Variants in VWA5B1 observed in about 807,000 individuals in gnomAD.
VWA5B1 encodes von Willebrand factor A domain-containing protein 5B1.
Under a neutral mutation model 118.2 loss-of-function variants are expected in VWA5B1, and 115 were observed. The ratio of observed to expected loss-of-function variants is 0.97; its 90% CI spans 0.84 to 1.14. The LOEUF (loss-of-function observed/expected upper bound fraction) is 1.14, where lower values mean the gene tolerates loss of function less well. VWA5B1 is among the 50% of genes most tolerant of loss of function. The pLI, the probability that VWA5B1 is intolerant of heterozygous loss-of-function variation, is 0.00. For missense variants in VWA5B1, 1,596 were observed against 1,603.8 expected (o/e 1.00, Z 0.08); for synonymous variants, 682 against 658.4 (o/e 1.04, Z -0.55).
chr1:20,336,416 G>C lies in VWA5B1; in HGVS notation c.1872G>C (p.Ser624=). The C allele has an allele frequency of 6.6e-7, 1 of 1,521,562 alleles. No individual in the cohort carries two copies. The highest frequency in any genetic ancestry group is 8.8e-7 in the Non-Finnish European group (1 of 1,131,372). 94.3% of individuals were successfully genotyped at this position (1,521,562 alleles called of 1,614,324 possible). The stretch of plus-strand genomic sequence containing the variant: ...AAGGTGGAGACTGTGCCAAGAACTC[G>C]GGGGCACCCTTCATCCTAGGGCAGG... ...GLEGGDCAKN[S]GAPFILGQAK... is the part of the protein sequence containing the mutation. Residue 624 remains serine, a synonymous_variant, in exon 13 of 22, where the codon TCG becomes TCC. Coordinates refer to ENST00000289815, the MANE Select transcript of VWA5B1 (RefSeq NM_001039500.3).
At position 20,310,482 on chromosome 1, in the gene VWA5B1, C is replaced by T. The variant is rs1434552964; in HGVS notation, c.-26-94C>T. On this transcript the variant is annotated intron_variant, in intron 1 of 21. Transcript: ENST00000289815. ...CTTGGGGAAAATGAAAACAATGATG[C>T]TCTGATTGCTTGAGGGTGTCTGAAA... 10 of 1,208,870 alleles carry T rather than the reference C, an allele frequency of 8.3e-6. No individual in the cohort carries two copies. In the South Asian group the frequency reaches 1.1e-4, roughly 13 times the overall value. The allele number at this position is 1,208,870 out of a possible 1,614,324, so 74.9% of individuals were successfully genotyped here. A position where few individuals can be genotyped will look rare whatever the true frequency, so the allele number is the denominator to read the frequency against.
intron 1 of VWA5B1, among the ~76,000 whole-genome samples, chr1:20,299,534 G>C (rs1215484778): frequency 6.6e-6 from 1 of 152,184 alleles, no homozygotes; most frequent in Non-Finnish European, 1.5e-5. Flanking sequence ...CTCCCAAGTA[G>C]CTGGGACTAC....
chr1:20,300,413 A>G (rs534832032), intron 1 of VWA5B1, among the ~76,000 whole-genome samples: 1 of 152,262 alleles, frequency 6.6e-6, no homozygotes, highest in East Asian at 1.9e-4. Context: ...TTGTTGTTAG[A>G]TAAAGATGCC....
At chr1:20,336,237 T>C in intron 12 of VWA5B1, 66 bp from the exon 13 acceptor site, 1 of 1,274,034 alleles carries the variant, frequency 7.8e-7, no homozygotes, top group South Asian at 3.2e-5. Context: ...CACCCCTTGC[T>C]CCCTGCGGAA....
chr1:20,319,024 C>T (rs1201957361), intron 6 of VWA5B1, among the ~76,000 whole-genome samples: 1 of 152,208 alleles, frequency 6.6e-6, no homozygotes, highest in African/African-American at 2.4e-5. Flanking sequence ...ACCCAAAGCT[C>T]AGTGATACCC....
rs948690864 is a variant in VWA5B1 at position 20,314,371 on chromosome 1, G to A, written c.342G>A (p.Pro114=). The change falls in exon 4 of 22, where the codon CCG becomes CCA. Residue 114 remains proline, a synonymous_variant. Transcript: ENST00000289815. Reference sequence around the variant, plus strand: ...CCATAGCCCCTCATTCCTGCACACCGGGAAAGGTGACCTTGGACGAGGATT... The same window carrying A: ...CCATAGCCCCTCATTCCTGCACACCAGGAAAGGTGACCTTGGACGAGGATT... ...GVSIAPHSCT[P]GKVTLDEDLE... is the part of the protein sequence containing the mutation. 28 of 1,551,974 alleles carry A rather than the reference G, an allele frequency of 1.8e-5. No individual in the cohort carries two copies. Among genetic ancestry groups the A allele is most frequent in the East Asian group, 4.9e-5 (2 of 40,918 alleles).
At chr1:20,299,664 A>G (rs146711033) in intron 1 of VWA5B1, among the ~76,000 whole-genome samples, 166 of 152,298 alleles carry the variant, frequency 1.1e-3, no homozygotes, top group African/African-American at 3.8e-3. Flanking sequence ...TCAGCCTCCC[A>G]GAGTGCTGGG....
At chr1:20,301,803 G>T (rs1470421684) in intron 1 of VWA5B1, among the ~76,000 whole-genome samples, 1 of 152,160 alleles carries the variant, frequency 6.6e-6, no homozygotes. Flanking sequence ...CCAGAAAGGT[G>T]GGTGTACACT....
intron 17 of VWA5B1, 29 bp downstream of exon 17, chr1:20,345,622 C>T (rs1228950223): frequency 6.6e-7 from 1 of 1,518,494 alleles, no homozygotes; most frequent in Non-Finnish European, 8.8e-7. Flanking sequence ...CGGGGGCACT[C>T]CTGGGGGCCA....
chr1:20,354,338 C>T lies in VWA5B1; in HGVS notation c.*75C>T, dbSNP rs1280437010. ...GGGCAGGGCCATGTCGGCCTGGTTT[C>T]GGGGAGCTTTTGGAGCTGTAACTAA... On this transcript the variant is annotated 3_prime_UTR_variant, in exon 22 of 22. Transcript: ENST00000289815. 1.1e-5 allele frequency: 16 copies of T among 1,461,426 alleles called. No homozygotes were observed. Among genetic ancestry groups the T allele is most frequent in the Middle Eastern group, 2.0e-4 (1 of 5,054 alleles). The allele number at this position is 1,461,426 out of a possible 1,614,324, so 90.5% of individuals were successfully genotyped here.
At position 20,317,541 on chromosome 1, in the gene VWA5B1, A is replaced by G; in HGVS notation, c.575A>G (p.His192Arg). 1.9e-6 allele frequency: 3 copies of G among 1,551,366 alleles called. No homozygotes were observed. Among genetic ancestry groups the G allele is most frequent in the Non-Finnish European group, 2.6e-6 (3 of 1,146,902 alleles). ...SNQQAQGKDR[H>R]CFGAWAPGSW... The stretch of plus-strand genomic sequence containing the variant: ...CGGCCCTTTTCCAGCAAAGACAGGC[A>G]CTGCTTCGGTGCCTGGGCCCCGGGC... The change falls in exon 5 of 22, where the codon CAC becomes CGC. Residue 192 changes from histidine to arginine, a missense_variant. Coordinates refer to ENST00000289815, the MANE Select transcript of VWA5B1 (RefSeq NM_001039500.3).
chr1:20,300,031 G>A (rs111870041), intron 1 of VWA5B1, among the ~76,000 whole-genome samples: 2,417 of 152,270 alleles, frequency 0.016, 24 homozygotes, highest in Middle Eastern at 0.034. Flanking sequence ...GCAGGGGGGC[G>A]CCATTAACAA....
chr1:20,336,838 C>T (rs2089731757), intron 13 of VWA5B1, among the ~76,000 whole-genome samples: 1 of 152,168 alleles, frequency 6.6e-6, no homozygotes, highest in Non-Finnish European at 1.5e-5. Context: ...CGGAGCTTTC[C>T]ACATAGTGAG....
Position 20,355,040 on chromosome 1 carries a change from TC to T in VWA5B1, c.*779del. The T allele has an allele frequency of 6.6e-6, 1 of 152,150 alleles. No homozygotes were observed. The highest frequency in any genetic ancestry group is 1.9e-4 in the East Asian group (1 of 5,190). 9.4% of individuals were successfully genotyped at this position (152,150 alleles called of 1,614,324 possible). A position where few individuals can be genotyped will look rare whatever the true frequency, so the allele number is the denominator to read the frequency against. On this transcript the variant is annotated 3_prime_UTR_variant, in exon 22 of 22. Coordinates refer to ENST00000289815, the MANE Select transcript of VWA5B1 (RefSeq NM_001039500.3). ...TAAGCAGCAGTCTGTGCAAAAATAG[TC>T]CTAAAAGAACAGACATGGTCACAGA...
intron 17 of VWA5B1, among the ~76,000 whole-genome samples, chr1:20,346,829 G>T (rs1389389980): frequency 6.6e-6 from 1 of 152,164 alleles, no homozygotes; most frequent in Non-Finnish European, 1.5e-5. Context: ...CGTCCAGAAA[G>T]AATTGTGTTT....
intron 8 of VWA5B1, among the ~76,000 whole-genome samples, chr1:20,324,508 G>A (rs11800294): frequency 6.6e-6 from 1 of 152,142 alleles, no homozygotes; most frequent in Middle Eastern, 3.4e-3. Flanking sequence ...CCTCTCACCT[G>A]TCTTTTTCCA....
In VWA5B1 at chr1:20,314,304, C is replaced by A. The variant is rs192724464; in HGVS notation, c.293-18C>A. On this transcript the variant is annotated intron_variant, in intron 3 of 21. Coordinates refer to ENST00000289815, the MANE Select transcript of VWA5B1 (RefSeq NM_001039500.3). ...GAGATAATCTATGTACAGCCCCTGA[C>A]GCCAGCCTGGCACTTAGGGAACATT... 3.9e-6 allele frequency: 6 copies of A among 1,550,836 alleles called. No homozygotes were observed. The highest frequency in any genetic ancestry group is 1.7e-4 in the Middle Eastern group (1 of 5,986).
At chr1:20,308,321 A>T (rs529263242) in intron 1 of VWA5B1, among the ~76,000 whole-genome samples, 175 of 152,294 alleles carry the variant, frequency 1.1e-3, no homozygotes, top group Admixed American at 3.0e-3. Context: ...GGCCAGGGAC[A>T]GTGTGGGCAG....
In VWA5B1 at chr1:20,332,875, C is replaced by T. The variant is rs2089611061; in HGVS notation, c.1682C>T (p.Ser561Phe). The change falls in exon 12 of 22, where the codon TCC becomes TTC. Residue 561 changes from serine (S) to phenylalanine (F), a missense_variant. Coordinates refer to ENST00000289815, the MANE Select transcript of VWA5B1 (RefSeq NM_001039500.3). ...EVLVSPVSAS[S>F]LFPGERLVGY... ...CTGGTCTCACCCGTCAGCGCCAGCT[C>T]CCTCTTCCCTGGAGAACGGCTGGTG... is the stretch of plus-strand genomic sequence containing the variant. 2 of 1,551,864 alleles carry T rather than the reference C, an allele frequency of 1.3e-6. No individual in the cohort carries two copies. Among genetic ancestry groups the T allele is most frequent in the Non-Finnish European group, 1.7e-6 (2 of 1,147,072 alleles).
Sources: gnomAD v4.1 joint callset for allele counts (sites outside exome capture counted in the v4.1 genomes callset) on GRCh38, gnomAD v4.1.1 for gene constraint, MANE v1.5 for transcripts, NCBI Gene and HGNC (gene_info 2026-07-23, HGNC 2026-07-21) for gene names.